Variants in SAMD5 observed in about 807,000 individuals in gnomAD.
SAMD5 encodes sterile alpha motif domain-containing protein 5.
SAMD5 carries 13 observed loss-of-function variants against 11.3 expected under a neutral mutation model. The observed-to-expected ratio is 1.15, with a 90% CI of 0.75 to 1.83. The LOEUF is 1.83. Ranked by LOEUF, SAMD5 falls within the 40% of genes most tolerant of loss-of-function variation. The pLI is 0.00. For missense variants in SAMD5, 255 were observed against 239.1 expected (o/e 1.07, Z -0.44); for synonymous variants, 129 against 111.3 (o/e 1.16, Z -1.00).
At chr6:147,547,273 A>G (rs974508207) in intron 1 of SAMD5, among the ~76,000 whole-genome samples, 2 of 152,236 alleles carry the variant, frequency 1.3e-5, no homozygotes, top group Non-Finnish European at 2.9e-5. Flanking sequence ...TCTGTGGGTG[A>G]GAATTCTGGG....
chr6:147,711,060 AGAAG>A lies in SAMD5; in HGVS notation c.163-26243_163-26240del, dbSNP rs562515267. On this transcript the variant is annotated intron_variant, in intron 1 of 1. Coordinates refer to the SAMD5 transcript ENST00000566741. This position sits in a 1 kb window ranked among gnomAD's most constrained non-coding sequence, Gnocchi z 4.1. ...AAGGAAAATGAAAGAAGGAAGGAAAAGAAGGAAGGAAGGAAGGGAAGGAAGGGGG... is the reference window on the plus strand; with the variant it reads ...AAGGAAAATGAAAGAAGGAAGGAAAAGAAGGAAGGAAGGGAAGGAAGGGGG... 9.0e-4 allele frequency among the ~76,000 whole-genome samples: 137 copies of A among 151,442 alleles called. 1 individual carries two copies. The highest frequency in any genetic ancestry group is 5.8e-4 in the African/African-American group (24 of 41,296).
At chr6:147,837,310 G>A in the SAMD5 span, among the ~76,000 whole-genome samples, 1 of 152,136 alleles carries the variant, frequency 6.6e-6, no homozygotes, top group Non-Finnish European at 1.5e-5. Context: ...GCACACTCTA[G>A]TCCAAACCAA....
chr6:147,555,032 C>T (rs191424278), intron 1 of SAMD5, among the ~76,000 whole-genome samples: 22 of 152,326 alleles, frequency 1.4e-4, no homozygotes, highest in African/African-American at 4.1e-4. Context: ...TGTGTTAGTA[C>T]TTACTGGATT....
Position 147,509,311 on chromosome 6 carries a change from T to A in SAMD5, c.383T>A (p.Leu128Gln), listed in dbSNP as rs1788046649. ...RSRELVSYPK[L>Q]KLKIMIRDKL... ...AGGGAGCTGGTGAGCTACCCCAAACTGAAGCTGAAGATCATGATCAGGGAT... is the reference window on the plus strand; with the variant it reads ...AGGGAGCTGGTGAGCTACCCCAAACAGAAGCTGAAGATCATGATCAGGGAT... Residue 128 changes from leucine to glutamine, a missense_variant, in exon 1 of 2, where the codon CTG (leucine) becomes CAG (glutamine). By Grantham distance (113) the Leu-to-Gln change is moderately radical. Coordinates refer to ENST00000367474, the MANE Select transcript of SAMD5 (RefSeq NM_001030060.3). The A allele has an allele frequency of 6.3e-7, 1 of 1,580,042 alleles. No homozygotes were observed. Among genetic ancestry groups the A allele is most frequent in the Non-Finnish European group, 8.6e-7 (1 of 1,165,134 alleles).
Position 147,564,689 on chromosome 6 carries a change from A to T in SAMD5, c.*233A>T. ...TCACGCATAAAGAAGTATTGAGTTCATTTTTTTAAGAAGATATCATGATGA... is the reference window on the plus strand; with the variant it reads ...TCACGCATAAAGAAGTATTGAGTTCTTTTTTTTAAGAAGATATCATGATGA... On this transcript the variant is annotated 3_prime_UTR_variant, in exon 2 of 2. Coordinates refer to ENST00000367474, the MANE Select transcript of SAMD5 (RefSeq NM_001030060.3). 1.6e-6 allele frequency: 2 copies of T among 1,237,358 alleles called. No individual in the cohort carries two copies. The highest frequency in any genetic ancestry group is 2.0e-6 in the Non-Finnish European group (2 of 985,464). 76.6% of individuals were successfully genotyped at this position (1,237,358 alleles called of 1,614,324 possible).
the SAMD5 span, among the ~76,000 whole-genome samples, chr6:147,752,802 A>G: frequency 2.0e-5 from 3 of 152,222 alleles, no homozygotes; most frequent in Non-Finnish European, 4.4e-5. Context: ...ACAGAAAGCT[A>G]TGCTAACTAG....
At chr6:147,917,430 G>T in the SAMD5 span, among the ~76,000 whole-genome samples, 29 of 151,526 alleles carry the variant, frequency 1.9e-4, no homozygotes, top group South Asian at 4.2e-4. Flanking sequence ...TAAATTTGTT[G>T]GAGTTCACTG....
At chr6:147,895,024 C>A in the SAMD5 span, among the ~76,000 whole-genome samples, 1 of 152,168 alleles carries the variant, frequency 6.6e-6, no homozygotes, top group Non-Finnish European at 1.5e-5. Context: ...AATTATTCTG[C>A]AGGAAAGAAT....
the SAMD5 span, among the ~76,000 whole-genome samples, chr6:147,836,335 A>G: frequency 6.6e-6 from 1 of 152,236 alleles, no homozygotes; most frequent in Non-Finnish European, 1.5e-5. Context: ...CTTTGTACTT[A>G]CATTAAGACA....
chr6:147,784,606 T>C, the SAMD5 span, among the ~76,000 whole-genome samples: 1 of 152,236 alleles, frequency 6.6e-6, no homozygotes, highest in Non-Finnish European at 1.5e-5. Flanking sequence ...GTAAATTGCA[T>C]TTTAGAGATA....
chr6:147,511,627 C>CA (rs35910441), intron 1 of SAMD5, among the ~76,000 whole-genome samples: 4,156 of 136,526 alleles, frequency 0.03, 67 homozygotes, highest in Admixed American at 0.033. Flanking sequence ...AGTTGGGGAC[C>CA]AAAAAAAAAA....
At chr6:147,706,191 T>A (rs1345025641) in intron 1 of SAMD5, among the ~76,000 whole-genome samples, 1 of 152,114 alleles carries the variant, frequency 6.6e-6, no homozygotes, top group African/African-American at 2.4e-5. Flanking sequence ...CTTGGACCAA[T>A]AATGCTTACC....
At chr6:147,895,216 A>C in the SAMD5 span, among the ~76,000 whole-genome samples, 1 of 152,200 alleles carries the variant, frequency 6.6e-6, no homozygotes, top group African/African-American at 2.4e-5. Context: ...TTTAGAGGTG[A>C]CAAAGTCCTT....
At chr6:147,936,190 C>T in the SAMD5 span, among the ~76,000 whole-genome samples, 1 of 152,154 alleles carries the variant, frequency 6.6e-6, no homozygotes, top group Non-Finnish European at 1.5e-5. Context: ...GTACTCTTCT[C>T]AGCCTGTTAA....
chr6:147,630,352 A>G (rs893948927), intron 1 of SAMD5, among the ~76,000 whole-genome samples: 4 of 152,148 alleles, frequency 2.6e-5, no homozygotes, highest in Non-Finnish European at 5.9e-5. Context: ...TGTGAGAGAG[A>G]CTTGTGACAA....
chr6:147,508,696 T>C lies in SAMD5; in HGVS notation c.-233T>C, dbSNP rs2128438493. Among the ~76,000 whole-genome samples, 1 of 152,234 alleles carries C rather than the reference T, an allele frequency of 6.6e-6. No individual in the cohort carries two copies. The highest frequency in any genetic ancestry group is 1.9e-4 in the East Asian group (1 of 5,140). On this transcript the variant is annotated 5_prime_UTR_variant, in exon 1 of 2. Coordinates refer to ENST00000367474, the MANE Select transcript of SAMD5 (RefSeq NM_001030060.3). ...CTTGCTCAGCCCAGCAGCCAGTGCC[T>C]GCGAGCTCCGCTGCTGCTTGGGGAA...
the SAMD5 span, among the ~76,000 whole-genome samples, chr6:147,856,104 A>G: frequency 6.6e-6 from 1 of 152,208 alleles, no homozygotes; most frequent in Non-Finnish European, 1.5e-5. Flanking sequence ...ATAAAAAGGA[A>G]TGAACTGTTG....
chr6:147,801,862 A>T, the SAMD5 span, among the ~76,000 whole-genome samples: 1 of 152,210 alleles, frequency 6.6e-6, no homozygotes, highest in African/African-American at 2.4e-5. Context: ...CTAAATATCC[A>T]TAGGGAAAAA....
the SAMD5 span, among the ~76,000 whole-genome samples, chr6:147,860,691 G>A: frequency 6.6e-6 from 1 of 152,210 alleles, no homozygotes; most frequent in African/African-American, 2.4e-5. Context: ...GATACGAGAA[G>A]CTTGACCTAA....
Sources: gnomAD v4.1 joint callset for allele counts (sites outside exome capture counted in the v4.1 genomes callset) on GRCh38, gnomAD v4.1.1 for gene constraint, Gnocchi (gnomAD v3.1) non-coding constraint, MANE v1.5 for transcripts, NCBI Gene and HGNC (gene_info 2026-07-23, HGNC 2026-07-21) for gene names.